The following SLC23A1 variants were observed in gnomAD, a reference collection of about 807,000 sequenced individuals.
SLC23A1 encodes Na(+)/L-ascorbic acid transporter 1.
Under a neutral mutation model 62.5 loss-of-function variants are expected in SLC23A1, and 31 were observed. The ratio of observed to expected loss-of-function variants is 0.50; its 90% CI spans 0.37 to 0.67. The LOEUF is 0.67. SLC23A1 is among the 30% of genes least tolerant of loss of function. The pLI, the probability that SLC23A1 is intolerant of heterozygous loss-of-function variation, is 0.00. For synonymous variants in SLC23A1, 271 were observed against 313.2 expected (o/e 0.87, Z 1.42); for missense variants, 640 against 782.7 (o/e 0.82, Z 2.18).
intron 14 of SLC23A1, chr5:139,369,691 T>A (rs1228276451): frequency 1.3e-5 from 2 of 152,582 alleles, no homozygotes; most frequent in African/African-American, 2.4e-5. Flanking sequence ...CAAAAATATT[T>A]AAAAAAATAA....
chr5:139,380,652 T>C lies in SLC23A1; in HGVS notation c.398-20A>G, dbSNP rs1405802281. ...TCTCCTCTGGGGGTAGAGTCAGGGA[T>C]ACACACACGGACCAGGTACAGAGAC... On this transcript the variant is annotated intron_variant, in intron 4 of 14. Coordinates refer to ENST00000348729, the MANE Select transcript of SLC23A1 (RefSeq NM_005847.5). 1.9e-6 allele frequency: 3 copies of C among 1,587,600 alleles called. No individual in the cohort carries two copies. Among genetic ancestry groups the C allele is most frequent in the Non-Finnish European group, 2.6e-6 (3 of 1,156,024 alleles).
chr5:139,367,886 A>G (rs947077363), intron 14 of SLC23A1, among the ~76,000 whole-genome samples: 3 of 152,234 alleles, frequency 2.0e-5, no homozygotes, highest in African/African-American at 7.2e-5. Context: ...CTGAATTTCA[A>G]TTCCTATTTT....
chr5:139,371,160 C>G (rs1282869141), intron 14 of SLC23A1, among the ~76,000 whole-genome samples: 1 of 152,200 alleles, frequency 6.6e-6, no homozygotes, highest in African/African-American at 2.4e-5. Context: ...CTTAACCTTT[C>G]TGTACCTTCC....
At chr5:139,371,501 A>G (rs919175974) in intron 14 of SLC23A1, among the ~76,000 whole-genome samples, 8 of 152,242 alleles carry the variant, frequency 5.3e-5, no homozygotes, top group African/African-American at 1.7e-4. Flanking sequence ...GTTTTAGGAT[A>G]AAGGCATCCT....
Position 139,374,201 on chromosome 5 carries a change from C to G in SLC23A1, c.1550-1948G>C, listed in dbSNP as rs116628756. Among the ~76,000 whole-genome samples the G allele has an allele frequency of 3.2e-3, 490 of 152,348 alleles. 3 individuals are homozygous for G. The highest frequency in any genetic ancestry group is 0.011 in the African/African-American group (463 of 41,572). Reference sequence around the variant, plus strand: ...TGATTCAGGGCCAAGCTGGTAAGCTCTAGCAGCATGTGCTGAACTAAACGG... The same window carrying G: ...TGATTCAGGGCCAAGCTGGTAAGCTGTAGCAGCATGTGCTGAACTAAACGG... On this transcript the variant is annotated intron_variant, in intron 13 of 14. Coordinates refer to ENST00000348729, the MANE Select transcript of SLC23A1 (RefSeq NM_005847.5).
chr5:139,377,945 C>T (rs200609802), intron 12 of SLC23A1, 30 bp downstream of exon 12: 135 of 1,608,626 alleles, frequency 8.4e-5, no homozygotes, highest in Middle Eastern at 5.2e-4. Context: ...GCCCACCCCG[C>T]CTTTGGAGAC....
chr5:139,381,740 A>T, intron 3 of SLC23A1, 152 bp downstream of exon 3: 1 of 638,792 alleles, frequency 1.6e-6, no homozygotes, highest in Non-Finnish European at 2.7e-6. Flanking sequence ...CACGCTGCCC[A>T]GCTCTAAGGC....
upstream of SLC23A1, chr5:139,384,241 G>T: frequency 1.2e-6 from 1 of 805,790 alleles, no homozygotes; most frequent in Non-Finnish European, 1.7e-6. Flanking sequence ...TGGCAGAGGG[G>T]GACATGGGGA....
rs542045626 is a variant in SLC23A1, at chr5:139,379,474, C to T, written c.926-120G>A. 1.6e-5 allele frequency: 18 copies of T among 1,117,694 alleles called. No homozygotes were observed. In the African/African-American group the frequency reaches 2.8e-4, roughly 17 times the overall value. The allele number at this position is 1,117,694 out of a possible 1,614,324, so 69.2% of individuals were successfully genotyped here. A position where few individuals can be genotyped will look rare whatever the true frequency, so the allele number is the denominator to read the frequency against. On this transcript the variant is annotated intron_variant, in intron 8 of 14. Transcript: ENST00000348729. The surrounding 1 kb of genome is among the most constrained non-coding windows in gnomAD (Gnocchi z 4.7). ...AGGAGACCTCAGGCTGGGATGGGAG[C>T]TATACAGTTGTGGGAGCTTATTTGA...
chr5:139,372,631 C>T (rs1220585917), intron 13 of SLC23A1, among the ~76,000 whole-genome samples: 1 of 152,074 alleles, frequency 6.6e-6, no homozygotes, highest in East Asian at 1.9e-4. Flanking sequence ...GTTGCCCAGG[C>T]TGGAGTGCAC....
intron 13 of SLC23A1, among the ~76,000 whole-genome samples, chr5:139,372,698 C>T (rs914752718): frequency 4.7e-4 from 71 of 152,258 alleles, no homozygotes; most frequent in African/African-American, 1.7e-3. Flanking sequence ...GATTATCCTG[C>T]CTCAGTCTCC....
In SLC23A1 at chr5:139,378,465, G is replaced by C. The variant is rs916830336; in HGVS notation, c.1179+114C>G. Reference sequence around the variant, plus strand: ...CATAAACCGGCTGGGGCTTGATGCGGGGGCGAGGCCTCTCAAAGACAGGGT... The same window carrying C: ...CATAAACCGGCTGGGGCTTGATGCGCGGGCGAGGCCTCTCAAAGACAGGGT... On this transcript the variant is annotated intron_variant, in intron 10 of 14. Transcript: ENST00000348729. The surrounding 1 kb of genome is among the most constrained non-coding windows in gnomAD (Gnocchi z 4.5). The C allele has an allele frequency of 4.8e-6, 7 of 1,449,898 alleles. No homozygotes were observed. The highest frequency in any genetic ancestry group is 4.7e-6 in the Non-Finnish European group (5 of 1,062,954). The allele number at this position is 1,449,898 out of a possible 1,614,324, so 89.8% of individuals were successfully genotyped here.
At chr5:139,380,183 G>A (rs575150729) in intron 6 of SLC23A1, 25 bp downstream of exon 6, 26 of 1,556,052 alleles carry the variant, frequency 1.7e-5, no homozygotes, top group Admixed American at 1.2e-4. Flanking sequence ...GGGCTGGGCA[G>A]GGATCAGGCC....
chr5:139,370,795 A>T (rs889029284), intron 14 of SLC23A1, among the ~76,000 whole-genome samples: 1 of 151,990 alleles, frequency 6.6e-6, no homozygotes, highest in Non-Finnish European at 1.5e-5. Context: ...TTAAAAAAAG[A>T]AAAGGGGGCT....
At position 139,377,467 on chromosome 5, in the gene SLC23A1, A is replaced by G. The variant is rs1294234683; in HGVS notation, c.1484T>C (p.Val495Ala). 6.2e-7 allele frequency: 1 copy of G among 1,611,140 alleles called. No individual in the cohort carries two copies. The highest frequency in any genetic ancestry group is 1.1e-5 in the South Asian group (1 of 91,018). Residue 495 changes from valine (V) to alanine (A), a missense_variant, in exon 13 of 15, where the codon GTG becomes GCG. Val to Ala is a moderately conservative substitution (Grantham distance 64). Transcript: ENST00000348729. ...CACAAACATCTCCGTGGTCAGCAGCACAATCAGAATCTGATCCACTTCAAG... is the reference window on the plus strand; with the variant it reads ...CACAAACATCTCCGTGGTCAGCAGCGCAATCAGAATCTGATCCACTTCAAG... ...GILEVDQILI[V>A]LLTTEMFVGG...
chr5:139,383,156 A>G (rs1294768298), intron 1 of SLC23A1, 62 bp downstream of exon 1: 1 of 528,402 alleles, frequency 1.9e-6, no homozygotes, highest in Non-Finnish European at 3.1e-6. Context: ...GAAGGCCTGC[A>G]CAGGCCCTCC....
chr5:139,379,397 C>T lies in SLC23A1; in HGVS notation c.926-43G>A. On this transcript the variant is annotated intron_variant, in intron 8 of 14. Transcript: ENST00000348729. The surrounding 1 kb of genome is among the most constrained non-coding windows in gnomAD (Gnocchi z 4.7). ...CAGGATGGTGGCTACAGTGAGGAGACTGTGATGGTTAGGAATAGACAGGGC... is the reference window on the plus strand; with the variant it reads ...CAGGATGGTGGCTACAGTGAGGAGATTGTGATGGTTAGGAATAGACAGGGC... 6.2e-7 allele frequency: 1 copy of T among 1,601,378 alleles called. No homozygotes were observed. Among genetic ancestry groups the T allele is most frequent in the South Asian group, 1.1e-5 (1 of 90,668 alleles).
intron 3 of SLC23A1, 41 bp downstream of exon 3, chr5:139,381,851 G>A: frequency 1.3e-6 from 2 of 1,496,816 alleles, no homozygotes; most frequent in Non-Finnish European, 1.8e-6. Flanking sequence ...GATCACAGTG[G>A]AGGGGTGGCG....
At chr5:139,380,757 C>A in intron 4 of SLC23A1, 41 bp downstream of exon 4, 1 of 1,479,052 alleles carries the variant, frequency 6.8e-7, no homozygotes, top group Non-Finnish European at 9.4e-7. Context: ...GGTCTCTGGG[C>A]CTCCCCTTTT....
Sources: gnomAD v4.1 joint callset for allele counts (sites outside exome capture counted in the v4.1 genomes callset) on GRCh38, gnomAD v4.1.1 for gene constraint, Gnocchi (gnomAD v3.1) non-coding constraint, MANE v1.5 for transcripts, NCBI Gene and HGNC (gene_info 2026-07-23, HGNC 2026-07-21) for gene names.